Variants in ARHGEF4 observed in about 807,000 individuals in gnomAD.
ARHGEF4 encodes Rho guanine nucleotide exchange factor 4, also known as APC-stimulated guanine nucleotide exchange factor 1.
Under a neutral mutation model 162.0 loss-of-function variants are expected in ARHGEF4, and 119 were observed. The observed-to-expected ratio is 0.73, with a 90% CI of 0.63 to 0.86. The LOEUF (loss-of-function observed/expected upper bound fraction) is 0.86. ARHGEF4 is among the 40% of genes least tolerant of loss of function. ARHGEF4 has a pLI of 0.00. For missense variants in ARHGEF4, 2,488 were observed against 2,456.0 expected, an observed-to-expected ratio of 1.01 and a Z score of -0.28; for synonymous variants, 1,014 against 979.9, an observed-to-expected ratio of 1.03 and a Z score of -0.65.
intron 1 of ARHGEF4, among the ~76,000 whole-genome samples, chr2:130,847,893 G>GC (rs1681108224): frequency 6.6e-6 from 1 of 152,190 alleles, no homozygotes; most frequent in African/African-American, 2.4e-5. Flanking sequence ...CCTCCCCACA[G>GC]CCCCTCTGAG....
intron 5 of ARHGEF4, chr2:131,035,609 G>A (rs1318312018): frequency 2.1e-6 from 2 of 975,508 alleles, no homozygotes; most frequent in Non-Finnish European, 2.4e-6. Context: ...CTGGGTGAGC[G>A]ACCCGCGCTT....
At chr2:130,885,549 C>T (rs1261632150) in intron 1 of ARHGEF4, among the ~76,000 whole-genome samples, 2 of 147,408 alleles carry the variant, frequency 1.4e-5, no homozygotes, top group African/African-American at 2.5e-5. Flanking sequence ...CCATAGCACT[C>T]TCTTTTTTCT....
chr2:131,044,074 G>A (rs1280600032), intron 11 of ARHGEF4, among the ~76,000 whole-genome samples: 1 of 152,128 alleles, frequency 6.6e-6, no homozygotes, highest in Non-Finnish European at 1.5e-5. Context: ...GCCAACCCCG[G>A]GCTAGTCAGT....
Position 130,914,686 on chromosome 2 carries a change from G to T in ARHGEF4, c.740G>T (p.Arg247Met). The change falls in exon 2 of 14, where the codon AGG becomes ATG. Residue 247 changes from arginine to methionine, a missense_variant. Physicochemically the swap from Arg to Met is moderately conservative, Grantham distance 91. Transcript: ENST00000409359. ...CGGAGTTGGCCACATATCCACAACA[G>T]GGCCAGGGCACTGGTGCTACCTAGC... ...LGRSWPHIHNRARALVLPSRG... is the reference protein window; with the variant it reads ...LGRSWPHIHNMARALVLPSRG... 1 of 1,393,504 alleles carries T rather than the reference G, an allele frequency of 7.2e-7. No homozygotes were observed. Among genetic ancestry groups the T allele is most frequent in the Middle Eastern group, 2.6e-4 (1 of 3,784 alleles). The allele number at this position is 1,393,504 out of a possible 1,614,324, so 86.3% of individuals were successfully genotyped here.
intron 1 of ARHGEF4, among the ~76,000 whole-genome samples, chr2:130,848,737 C>A (rs559326678): frequency 1.3e-5 from 2 of 152,146 alleles, no homozygotes; most frequent in African/African-American, 4.8e-5. Flanking sequence ...ACTTGCCTCC[C>A]GGTCTGCAGG....
At chr2:130,893,381 A>G (rs925377943) in intron 1 of ARHGEF4, among the ~76,000 whole-genome samples, 1 of 152,050 alleles carries the variant, frequency 6.6e-6, no homozygotes, top group Non-Finnish European at 1.5e-5. Context: ...CTCATTACCT[A>G]GCACAGCACC....
At chr2:130,927,232 G>A (rs1170056079) in intron 2 of ARHGEF4, among the ~76,000 whole-genome samples, 2 of 152,108 alleles carry the variant, frequency 1.3e-5, no homozygotes, top group African/African-American at 4.8e-5. Flanking sequence ...CTAGCTGGTG[G>A]TGAAGGTGCT....
chr2:130,912,202 G>A (rs1681229000), intron 1 of ARHGEF4, among the ~76,000 whole-genome samples: 1 of 152,206 alleles, frequency 6.6e-6, no homozygotes, highest in Non-Finnish European at 1.5e-5. Context: ...TGTCTCACTG[G>A]TCCTCTCCTT....
At chr2:130,918,274 T>C (rs1026783588) in intron 2 of ARHGEF4, among the ~76,000 whole-genome samples, 5 of 152,204 alleles carry the variant, frequency 3.3e-5, no homozygotes, top group Non-Finnish European at 5.9e-5. Context: ...CTGAAATGTT[T>C]AGTGCAGTAA....
intron 4 of ARHGEF4, among the ~76,000 whole-genome samples, chr2:131,001,317 A>C (rs975368512): frequency 3.3e-5 from 5 of 151,396 alleles, no homozygotes; most frequent in Non-Finnish European, 5.9e-5. Context: ...AAAAAAAAAA[A>C]AAAAAAAAAA....
rs1174212061 is a variant in ARHGEF4, at chr2:130,988,899, T to TAGAGAGAGAGAG, written c.3986-39045_3986-39044insGAGAGAGAGAGA. On this transcript the variant is annotated intron_variant, in intron 4 of 13. Transcript: ENST00000409359. ...ATATATATATATATATATATATATA[T>TAGAGAGAGAGAG]ATAGAGAGAGAGAGAGAGAGAGAGA... 2.0e-4 allele frequency among the ~76,000 whole-genome samples: 23 copies of TAGAGAGAGAGAG among 113,060 alleles called. No homozygotes were observed. In the East Asian group the frequency reaches 2.8e-3, roughly 14 times the overall value. 74.2% of individuals were successfully genotyped at this position (113,060 alleles called of 152,430 possible). A position where few individuals can be genotyped will look rare whatever the true frequency, so the allele number is the denominator to read the frequency against.
At chr2:130,992,194 A>G (rs1358927225) in intron 4 of ARHGEF4, among the ~76,000 whole-genome samples, 1 of 152,124 alleles carries the variant, frequency 6.6e-6, no homozygotes, top group Non-Finnish European at 1.5e-5. Context: ...CCCTGTCAAA[A>G]CAGGCCACTG....
At chr2:130,875,254 A>T (rs1345851130) in intron 1 of ARHGEF4, among the ~76,000 whole-genome samples, 2 of 152,112 alleles carry the variant, frequency 1.3e-5, no homozygotes, top group Admixed American at 6.5e-5. Context: ...GCTTGGCTTT[A>T]TCTACAGATC....
intron 4 of ARHGEF4, among the ~76,000 whole-genome samples, chr2:130,990,646 G>A (rs1686884548): frequency 6.6e-6 from 1 of 151,790 alleles, no homozygotes. Flanking sequence ...ATCCCACAGT[G>A]ATTCTGCAAC....
chr2:130,882,197 C>T (rs1383251600), intron 1 of ARHGEF4, among the ~76,000 whole-genome samples: 1 of 152,102 alleles, frequency 6.6e-6, no homozygotes, highest in African/African-American at 2.4e-5. Context: ...TCAACAGGTC[C>T]TGGACAGAGA....
At chr2:130,843,293 A>G (rs1680733732) in intron 1 of ARHGEF4, among the ~76,000 whole-genome samples, 1 of 152,108 alleles carries the variant, frequency 6.6e-6, no homozygotes, top group Non-Finnish European at 1.5e-5. Flanking sequence ...TCTGCCAGGG[A>G]GCCACCTACA....
chr2:131,020,982 G>A (rs1689088541), intron 4 of ARHGEF4, among the ~76,000 whole-genome samples: 1 of 152,166 alleles, frequency 6.6e-6, no homozygotes, highest in South Asian at 2.1e-4. Flanking sequence ...CTGCATAAAT[G>A]TCTTCGTTTG....
At chr2:130,935,011 T>A (rs925420526) in intron 3 of ARHGEF4, among the ~76,000 whole-genome samples, 3 of 152,186 alleles carry the variant, frequency 2.0e-5, no homozygotes, top group African/African-American at 7.2e-5. Context: ...CATTTCTAAT[T>A]TTAGTAATTT....
Position 130,915,034 on chromosome 2 carries a change from T to C in ARHGEF4, c.1088T>C (p.Val363Ala). The C allele has an allele frequency of 6.4e-7, 1 of 1,550,686 alleles. No homozygotes were observed. Among genetic ancestry groups the C allele is most frequent in the Non-Finnish European group, 8.7e-7 (1 of 1,147,030 alleles). ...AATGTTGTGAAGTCTGGGACCCATG[T>C]GAAGGAAGGGGCCAAAAATGAACGA... ...GQNVVKSGTH[V>A]KEGAKNERDP... Residue 363 changes from valine (V) to alanine (A), a missense_variant, in exon 2 of 14, where the codon GTG (valine) becomes GCG (alanine). Around this residue, in one of 6 missense-constraint regions of ARHGEF4, gnomAD observed 1,642 missense variants for 1,481.5 expected, o/e 1.11. Transcript: ENST00000409359.
Sources: allele counts gnomAD v4.1 joint callset (sites outside exome capture counted in the v4.1 genomes callset), GRCh38; gene constraint gnomAD v4.1.1; regional missense constraint gnomAD v4.1.1; transcripts MANE v1.5; gene names NCBI Gene and HGNC (gene_info 2026-07-23, HGNC 2026-07-21).